Variants in KAT6B observed in about 807,000 individuals in gnomAD.
The protein encoded by KAT6B is lysine acetyltransferase 6B.
In KAT6B, 10 loss-of-function variants were observed where a neutral mutation model predicts 187.5. That is an observed-to-expected ratio of 0.05 (90% CI 0.03 to 0.09). The LOEUF (loss-of-function observed/expected upper bound fraction) is 0.09, where lower values mean the gene tolerates loss of function less well. Ranked by LOEUF, KAT6B falls within the 10% of genes least tolerant of loss-of-function variation. The pLI, the probability that KAT6B is intolerant of heterozygous loss-of-function variation, is 1.00. For synonymous variants in KAT6B, 861 were observed against 926.8 expected, an observed-to-expected ratio of 0.93 and a Z score of 1.29; for missense variants, 1,952 against 2,558.9, an observed-to-expected ratio of 0.76 and a Z score of 5.12.
rs117184385 is a variant in KAT6B at position 74,921,986 on chromosome 10, A to T, written c.622-37984A>T. 3.9e-4 allele frequency among the ~76,000 whole-genome samples: 60 copies of T among 152,344 alleles called. No homozygotes were observed. The East Asian group carries it at 0.011, about 29-fold the overall frequency. ...TAGCTATGGCTCATTATGGGGACAC[A>T]GCAGGGGGTGGAGATAAGACAAGGC... On this transcript the variant is annotated intron_variant, in intron 3 of 17. Transcript: ENST00000287239.
chr10:74,912,231 A>G (rs984420477), intron 3 of KAT6B, among the ~76,000 whole-genome samples: 7 of 152,068 alleles, frequency 4.6e-5, no homozygotes, highest in Non-Finnish European at 7.4e-5. Context: ...TTCAACTCCT[A>G]TCAAGTTCAG....
intron 3 of KAT6B, among the ~76,000 whole-genome samples, chr10:74,854,303 G>A (rs1163757778): frequency 2.0e-5 from 3 of 152,204 alleles, no homozygotes; most frequent in Middle Eastern, 3.2e-3. Flanking sequence ...TGTAAGAGAA[G>A]GAGTTGTGGC....
intron 3 of KAT6B, among the ~76,000 whole-genome samples, chr10:74,934,386 A>G (rs1262128787): frequency 6.6e-6 from 1 of 152,130 alleles, no homozygotes; most frequent in Non-Finnish European, 1.5e-5. Flanking sequence ...GTCTTCATAA[A>G]ATCCACTAAA....
chr10:75,005,455 C>T (rs183635931), intron 13 of KAT6B, among the ~76,000 whole-genome samples: 2 of 151,876 alleles, frequency 1.3e-5, no homozygotes, highest in East Asian at 3.9e-4. Context: ...TGAATACAAG[C>T]GATCCACCCA....
At chr10:74,882,068 C>T (rs2132531515) in intron 3 of KAT6B, among the ~76,000 whole-genome samples, 1 of 152,338 alleles carries the variant, frequency 6.6e-6, no homozygotes, top group African/African-American at 2.4e-5. Flanking sequence ...GCTCTTCCCG[C>T]TGCGCCTCCA....
chr10:75,009,423 T>A (rs1844440164), intron 13 of KAT6B, among the ~76,000 whole-genome samples: 1 of 152,224 alleles, frequency 6.6e-6, no homozygotes, highest in South Asian at 2.1e-4. Flanking sequence ...GCAGGTGGAA[T>A]GGAGATTCTT....
In KAT6B at chr10:75,029,973, A is replaced by G. The variant is rs1443827240; in HGVS notation, c.5149A>G (p.Ser1717Gly). 6.2e-7 allele frequency: 1 copy of G among 1,614,196 alleles called. No homozygotes were observed. The highest frequency in any genetic ancestry group is 2.2e-5 in the East Asian group (1 of 44,870). ...CCTCACCTCCAGCAGTCTGACACAG[A>G]GCAGCTGTGCTGTCACCCAGCAGAT... ...SNLTSSSLTQ[S>G]SCAVTQQMSN... The change falls in exon 18 of 18, where the codon AGC becomes GGC. Residue 1717 changes from serine to glycine, a missense_variant. By Grantham distance (56) the Ser-to-Gly change is moderately conservative. Transcript: ENST00000287239. The surrounding 1 kb of genome is among the most constrained non-coding windows in gnomAD (Gnocchi z 6.2).
chr10:74,850,352 A>G (rs1032921374), intron 3 of KAT6B, among the ~76,000 whole-genome samples: 88 of 152,234 alleles, frequency 5.8e-4, no homozygotes, highest in African/African-American at 1.9e-3. Context: ...AATATTAGCA[A>G]TATGGAAAGG....
rs1845036945 is a variant in KAT6B, at chr10:75,017,178, T to C, written c.2630-3404T>C. Among the ~76,000 whole-genome samples, 4 of 152,186 alleles carry C rather than the reference T, an allele frequency of 2.6e-5. No individual in the cohort carries two copies. The South Asian group carries it at 8.3e-4, about 32-fold the overall frequency. Reference sequence around the variant, plus strand: ...GCGCCCAGCCAAGATAAGTGTTTTTTATTTCCCTGCATCTTAGATCAATTA... The same window carrying C: ...GCGCCCAGCCAAGATAAGTGTTTTTCATTTCCCTGCATCTTAGATCAATTA... On this transcript the variant is annotated intron_variant, in intron 13 of 17. Coordinates refer to ENST00000287239, the MANE Select transcript of KAT6B (RefSeq NM_012330.4).
chr10:74,895,179 G>T (rs1845906236), intron 3 of KAT6B, among the ~76,000 whole-genome samples: 1 of 151,118 alleles, frequency 6.6e-6, no homozygotes, highest in Non-Finnish European at 1.5e-5. Context: ...TTGCCCATTT[G>T]TATATCTTCT....
At chr10:74,992,022 A>T (rs916433349) in intron 13 of KAT6B, among the ~76,000 whole-genome samples, 1 of 152,216 alleles carries the variant, frequency 6.6e-6, no homozygotes, top group African/African-American at 2.4e-5. Context: ...GGAGCCCAGG[A>T]TAGAAAGCTA....
At chr10:75,009,587 A>G (rs1004040423) in intron 13 of KAT6B, among the ~76,000 whole-genome samples, 11 of 152,226 alleles carry the variant, frequency 7.2e-5, no homozygotes, top group Non-Finnish European at 1.3e-4. Context: ...TGTGTCATCT[A>G]CAACCTAAGA....
intron 4 of KAT6B, among the ~76,000 whole-genome samples, chr10:74,969,282 C>T (rs1341230906): frequency 6.6e-6 from 1 of 152,148 alleles, no homozygotes; most frequent in Non-Finnish European, 1.5e-5. Context: ...ACTTTGGCAA[C>T]TCCCCTCAGT....
intron 13 of KAT6B, among the ~76,000 whole-genome samples, 156 bp downstream of exon 13, chr10:74,989,268 C>G (rs1842985324): frequency 6.6e-6 from 1 of 152,168 alleles, no homozygotes; most frequent in South Asian, 2.1e-4. Flanking sequence ...ACATCTTCCT[C>G]AAGTGAAAAA....
At chr10:75,015,917 G>C (rs933499047) in intron 13 of KAT6B, among the ~76,000 whole-genome samples, 1 of 152,224 alleles carries the variant, frequency 6.6e-6, no homozygotes, top group Non-Finnish European at 1.5e-5. Context: ...GAAGATGGAG[G>C]TGTGCAGGGG....
At chr10:74,927,844 T>G (rs1848612304) in intron 3 of KAT6B, among the ~76,000 whole-genome samples, 3 of 152,284 alleles carry the variant, frequency 2.0e-5, no homozygotes. Flanking sequence ...TGTGTGACTC[T>G]CCAGTGCTTC....
At chr10:75,014,389 G>A (rs796594454) in intron 13 of KAT6B, among the ~76,000 whole-genome samples, 3 of 152,016 alleles carry the variant, frequency 2.0e-5, no homozygotes, top group Non-Finnish European at 2.9e-5. Context: ...AAGTTAAAGA[G>A]ATTTGTAAAA....
At position 75,029,435 on chromosome 10, in the gene KAT6B, C is replaced by A. The variant is rs371945178; in HGVS notation, c.4611C>A (p.Ile1537=). The A allele has an allele frequency of 1.9e-6, 3 of 1,614,098 alleles. No homozygotes were observed. The highest frequency in any genetic ancestry group is 4.5e-5 in the East Asian group (2 of 44,882). Residue 1537 remains isoleucine, a synonymous_variant, in exon 18 of 18, where the codon ATC becomes ATA. Transcript: ENST00000287239. This position sits in a 1 kb window ranked among gnomAD's most constrained non-coding sequence, Gnocchi z 6.2. The stretch of plus-strand genomic sequence containing the variant: ...AGGGAAACCCAGCAACCATGGAAAT[C>A]GACTCTGAGACTGTCCAGGCCGTTC... ...FKEGNPATME[I]DSETVQAVQS...
chr10:74,949,752 G>A (rs1840187950), intron 3 of KAT6B, among the ~76,000 whole-genome samples: 1 of 152,158 alleles, frequency 6.6e-6, no homozygotes, highest in Non-Finnish European at 1.5e-5. Flanking sequence ...CTTTCCCACT[G>A]TGTGGTCATT....
Sources: gnomAD v4.1 joint callset for allele counts (sites outside exome capture counted in the v4.1 genomes callset) on GRCh38, gnomAD v4.1.1 for gene constraint, Gnocchi (gnomAD v3.1) non-coding constraint, MANE v1.5 for transcripts, NCBI Gene and HGNC (gene_info 2026-07-23, HGNC 2026-07-21) for gene names.